Variants in NF1 observed in about 807,000 individuals in gnomAD.
NF1 encodes the protein neurofibromin 1.
Under a neutral mutation model 325.7 loss-of-function variants are expected in NF1, and 122 were observed. The ratio of observed to expected loss-of-function variants is 0.37; its 90% CI spans 0.32 to 0.44. The LOEUF is 0.44. Ranked by LOEUF, NF1 falls within the 20% of genes least tolerant of loss-of-function variation. NF1 has a pLI of 1.00. For synonymous variants in NF1, 1,091 were observed against 1,186.0 expected (o/e 0.92, Z 1.65); for missense variants, 2,140 against 3,415.4 (o/e 0.63, Z 9.31).
chr17:31,241,187 C>G (rs1002463045), intron 29 of NF1, among the ~76,000 whole-genome samples: 2 of 152,094 alleles, frequency 1.3e-5, no homozygotes, highest in Non-Finnish European at 2.9e-5. Context: ...CATGGAATAT[C>G]TTTTTTCTTT....
At chr17:31,187,817 A>G (rs1028348903) in intron 8 of NF1, among the ~76,000 whole-genome samples, 5 of 152,118 alleles carry the variant, frequency 3.3e-5, no homozygotes. Context: ...CGCTGCCACC[A>G]GGAGACACAA....
intron 36 of NF1, chr17:31,295,589 T>C (rs148983182): frequency 1.9e-6 from 3 of 1,614,042 alleles, no homozygotes; most frequent in Non-Finnish European, 2.5e-6. Flanking sequence ...CCCTATCACA[T>C]GGGCTTTTGT....
At chr17:31,237,521 C>CA (rs1442573723) in intron 29 of NF1, among the ~76,000 whole-genome samples, 1 of 152,188 alleles carries the variant, frequency 6.6e-6, no homozygotes, top group African/African-American at 2.4e-5. Context: ...AAGAGATCCA[C>CA]ATGCTGTGGC....
rs2151427050 is a variant in NF1, at chr17:31,227,303, G to A, written c.2325+12G>A. 1 of 1,613,582 alleles carries A rather than the reference G, an allele frequency of 6.2e-7. No individual in the cohort carries two copies. Among genetic ancestry groups the A allele is most frequent in the Admixed American group, 1.7e-5 (1 of 59,974 alleles). On this transcript the variant is annotated intron_variant, in intron 19 of 57. Transcript: ENST00000358273. ...CAGGAAACACTGAGGTATGCCCTTA[G>A]CAACAGAAACACCCCTCCCAGGCGC... is the stretch of plus-strand genomic sequence containing the variant.
intron 1 of NF1, chr17:31,138,330 C>G (rs1481235052): frequency 6.6e-6 from 1 of 152,186 alleles, no homozygotes; most frequent in Admixed American, 6.6e-5. Context: ...ATGGCACGAT[C>G]TCAGCACTCT....
In NF1 at chr17:31,242,290, G is replaced by A. The variant is rs1276585884; in HGVS notation, c.3974+6269G>A. On this transcript the variant is annotated intron_variant, in intron 29 of 57. Coordinates refer to ENST00000358273, the MANE Select transcript of NF1 (RefSeq NM_001042492.3). ...GAATATTGATAAATATCTTTCCCTAGGTTTCATAAGTTCTCTTTTTTTTTT... is the reference window on the plus strand; with the variant it reads ...GAATATTGATAAATATCTTTCCCTAAGTTTCATAAGTTCTCTTTTTTTTTT... Among the ~76,000 whole-genome samples the A allele has an allele frequency of 3.7e-5, 5 of 135,080 alleles. No homozygotes were observed. In the Admixed American group the frequency reaches 3.8e-4, roughly 10 times the overall value. 88.6% of individuals were successfully genotyped at this position (135,080 alleles called of 152,430 possible).
At chr17:31,369,191 A>G (rs1399112044) in intron 57 of NF1, among the ~76,000 whole-genome samples, 2 of 152,250 alleles carry the variant, frequency 1.3e-5, no homozygotes, top group African/African-American at 4.8e-5. Context: ...CTGGAGCTAC[A>G]TCACTAGTTG....
At chr17:31,138,800 T>G (rs1915991015) in intron 1 of NF1, among the ~76,000 whole-genome samples, 1 of 151,434 alleles carries the variant, frequency 6.6e-6, no homozygotes, top group Non-Finnish European at 1.5e-5. Context: ...GCCAGGATGG[T>G]CTCAATCTCC....
intron 35 of NF1, 125 bp from the exon 36 acceptor site, chr17:31,265,104 G>A (rs2067762104): frequency 2.9e-6 from 2 of 700,530 alleles, no homozygotes. Flanking sequence ...TTACCCTTTA[G>A]AATGCCTGTT....
intron 1 of NF1, among the ~76,000 whole-genome samples, chr17:31,098,428 G>A (rs1014658956): frequency 3.3e-5 from 5 of 151,716 alleles, no homozygotes; most frequent in Non-Finnish European, 5.9e-5. Flanking sequence ...GCAATGATGC[G>A]ACCTTGGCTT....
At chr17:31,239,823 T>G (rs985389385) in intron 29 of NF1, among the ~76,000 whole-genome samples, 1 of 152,146 alleles carries the variant, frequency 6.6e-6, no homozygotes, top group Non-Finnish European at 1.5e-5. Flanking sequence ...AATGCAGTGG[T>G]GCTATCTTGG....
At chr17:31,158,009 A>G (rs1244379096) in intron 2 of NF1, among the ~76,000 whole-genome samples, 2 of 152,066 alleles carry the variant, frequency 1.3e-5, no homozygotes, top group Non-Finnish European at 2.9e-5. Flanking sequence ...GTCATTCTAC[A>G]GTAGTACAGA....
At chr17:31,353,065 C>T (rs2070191168) in intron 51 of NF1, among the ~76,000 whole-genome samples, 3 of 152,136 alleles carry the variant, frequency 2.0e-5, no homozygotes, top group Admixed American at 6.5e-5. Context: ...CACGTCACCA[C>T]ATCTGGCTAA....
At chr17:31,100,512 A>T (rs897743575) in intron 1 of NF1, among the ~76,000 whole-genome samples, 15 of 152,102 alleles carry the variant, frequency 9.9e-5, no homozygotes, top group Non-Finnish European at 1.5e-4. Flanking sequence ...CGAGCACAAT[A>T]ATGCTTATTC....
chr17:31,122,563 T>A (rs1914528241), intron 1 of NF1, among the ~76,000 whole-genome samples: 1 of 152,216 alleles, frequency 6.6e-6, no homozygotes, highest in African/African-American at 2.4e-5. Flanking sequence ...TTATTTTGCT[T>A]GAATGGGTGC....
chr17:31,108,373 C>T (rs888379181), intron 1 of NF1, among the ~76,000 whole-genome samples: 8 of 145,898 alleles, frequency 5.5e-5, no homozygotes, highest in African/African-American at 2.1e-4. Flanking sequence ...CTCCCAGGCT[C>T]AAGCCATCCT....
intron 36 of NF1, among the ~76,000 whole-genome samples, chr17:31,283,629 A>AT (rs781025785): frequency 6.6e-6 from 1 of 151,444 alleles, no homozygotes; most frequent in Non-Finnish European, 1.5e-5. Flanking sequence ...TAATTTTTGT[A>AT]TTTTTTTGTA....
At chr17:31,332,214 C>G (rs1289924931) in intron 39 of NF1, among the ~76,000 whole-genome samples, 1 of 151,994 alleles carries the variant, frequency 6.6e-6, no homozygotes, top group Non-Finnish European at 1.5e-5. Context: ...GCCTGTAATC[C>G]CAGCACTTTG....
intron 57 of NF1, among the ~76,000 whole-genome samples, chr17:31,372,173 C>T (rs1469285327): frequency 6.6e-6 from 1 of 152,072 alleles, no homozygotes; most frequent in African/African-American, 2.4e-5. Flanking sequence ...GAAATCTTGC[C>T]ATACAGAGGT....
Sources: allele counts gnomAD v4.1 joint callset (sites outside exome capture counted in the v4.1 genomes callset), GRCh38; gene constraint gnomAD v4.1.1; transcripts MANE v1.5; gene names NCBI Gene and HGNC (gene_info 2026-07-23, HGNC 2026-07-21).